HP1BP3: variants seen among roughly 807,000 people sequenced by gnomAD.
The protein encoded by HP1BP3 is heterochromatin protein 1 binding protein 3.
Under a neutral mutation model 62.5 loss-of-function variants are expected in HP1BP3, and 12 were observed. That is an observed-to-expected ratio of 0.19 (90% CI 0.12 to 0.31). The LOEUF is 0.31. HP1BP3 is among the 10% of genes least tolerant of loss of function. The pLI is 1.00. For missense variants in HP1BP3, 502 were observed against 651.8 expected (o/e 0.77, Z 2.50); for synonymous variants, 260 against 237.8 (o/e 1.09, Z -0.86).
At chr1:20,765,571 G>A (rs41265093) in intron 7 of HP1BP3, 40 bp from the exon 8 acceptor site, 16,127 of 1,526,682 alleles carry the variant, frequency 0.011, 110 homozygotes, top group Middle Eastern at 0.018. Context: ...ATTATAGAAC[G>A]TAAATGTTTC....
chr1:20,760,758 C>T (rs148471378), intron 8 of HP1BP3, among the ~76,000 whole-genome samples: 1,938 of 152,216 alleles, frequency 0.013, 46 homozygotes, highest in African/African-American at 0.043. Context: ...ATCGCTTGAA[C>T]CGAGGAGGCG....
In HP1BP3 at chr1:20,744,855, A is replaced by C. The variant is rs770246812; in HGVS notation, c.1604T>G (p.Val535Gly). 6.2e-7 allele frequency: 1 copy of C among 1,613,788 alleles called. No homozygotes were observed. The highest frequency in any genetic ancestry group is 8.5e-7 in the Non-Finnish European group (1 of 1,180,004). Residue 535 changes from valine to glycine, a missense_variant, in exon 13 of 13, where the codon GTA (valine) becomes GGA (glycine). By Grantham distance (109) the Val-to-Gly change is moderately radical. Transcript: ENST00000438032. The stretch of plus-strand genomic sequence containing the variant: ...GGATTTGCCCTTGCCCGGCAATTTT[A>C]CTTCCTTTCTTGCACTGGTTGCAGG... ...KKPATSARKE[V>G]KLPGKGKSTM...
chr1:20,766,452 C>CA (rs546934401), intron 7 of HP1BP3, among the ~76,000 whole-genome samples: 103 of 136,282 alleles, frequency 7.6e-4, no homozygotes, highest in African/African-American at 2.5e-3. Flanking sequence ...AGTTGTAAAA[C>CA]AAAAAAAAAA....
chr1:20,786,094 T>C (rs1236532466), intron 1 of HP1BP3: 1 of 146,350 alleles, frequency 6.8e-6, no homozygotes, highest in Non-Finnish European at 1.5e-5. Flanking sequence ...CCGGTCTCCG[T>C]ACGGGAGACA....
At chr1:20,785,465 T>C (rs2057778716) in intron 1 of HP1BP3, among the ~76,000 whole-genome samples, 1 of 152,238 alleles carries the variant, frequency 6.6e-6, no homozygotes, top group African/African-American at 2.4e-5. Flanking sequence ...GTTCCCAATC[T>C]TAAGTCATTC....
intron 9 of HP1BP3, among the ~76,000 whole-genome samples, chr1:20,756,904 C>G (rs530379460): frequency 6.6e-6 from 1 of 152,110 alleles, no homozygotes; most frequent in East Asian, 1.9e-4. Context: ...TTAGTGGAGA[C>G]GACAGGGTTT....
chr1:20,773,644 A>G (rs1420450896), intron 4 of HP1BP3, 34 bp from the exon 5 acceptor site: 1 of 1,444,414 alleles, frequency 6.9e-7, no homozygotes, highest in Non-Finnish European at 9.4e-7. Flanking sequence ...ATAGAAGATA[A>G]GCTCTCTAGA....
At chr1:20,750,930 G>A (rs915702256) in intron 9 of HP1BP3, among the ~76,000 whole-genome samples, 4 of 145,620 alleles carry the variant, frequency 2.7e-5, no homozygotes, top group African/African-American at 7.7e-5. Context: ...CAATTCTCCT[G>A]CCTCAACTTC....
chr1:20,747,262 G>T (rs1477315451), intron 11 of HP1BP3, among the ~76,000 whole-genome samples: 1 of 151,922 alleles, frequency 6.6e-6, no homozygotes, highest in Non-Finnish European at 1.5e-5. Context: ...CACTTTATAT[G>T]TGGACTTTTT....
chr1:20,775,909 T>C (rs930961783), intron 4 of HP1BP3: 1 of 1,464,282 alleles, frequency 6.8e-7, no homozygotes, highest in Non-Finnish European at 9.1e-7. Context: ...TCTCAGAATG[T>C]ATACCCATTG....
At chr1:20,780,790 G>C (rs1000376160) in intron 1 of HP1BP3, among the ~76,000 whole-genome samples, 1 of 152,176 alleles carries the variant, frequency 6.6e-6, no homozygotes, top group Non-Finnish European at 1.5e-5. Context: ...GGGCAAGGAA[G>C]CTCCTAAGGA....
In HP1BP3 at chr1:20,775,993, A is replaced by G. The variant is rs901980544; in HGVS notation, c.350+604T>C. The G allele has an allele frequency of 4.0e-6, 6 of 1,490,734 alleles. No individual in the cohort carries two copies. The Admixed American group carries it at 1.2e-4, about 29-fold the overall frequency. The allele number at this position is 1,490,734 out of a possible 1,614,324, so 92.3% of individuals were successfully genotyped here. A position where few individuals can be genotyped will look rare whatever the true frequency, so the allele number is the denominator to read the frequency against. On this transcript the variant is annotated intron_variant, in intron 4 of 12. Transcript: ENST00000438032. ...CAATTATGAAAAGAGTGGAATGAAT[A>G]CTATCAGCTCTCCTGCAAAAAAAAA...
At chr1:20,746,965 G>A (rs975555054) in intron 11 of HP1BP3, among the ~76,000 whole-genome samples, 2 of 152,148 alleles carry the variant, frequency 1.3e-5, no homozygotes, top group African/African-American at 2.4e-5. Flanking sequence ...GCAGTGAGCC[G>A]AGATTATACC....
chr1:20,768,431 G>A (rs1185027894), intron 6 of HP1BP3, among the ~76,000 whole-genome samples: 1 of 152,142 alleles, frequency 6.6e-6, no homozygotes, highest in African/African-American at 2.4e-5. Context: ...GGGTGACAGA[G>A]CGATACTCCG....
At chr1:20,753,648 G>T (rs1355290336) in intron 9 of HP1BP3, among the ~76,000 whole-genome samples, 1 of 152,156 alleles carries the variant, frequency 6.6e-6, no homozygotes, top group Non-Finnish European at 1.5e-5. Context: ...GAATTTTAAG[G>T]TAACACAGTC....
At chr1:20,745,487 T>C in intron 12 of HP1BP3, 56 bp downstream of exon 12, 1 of 1,578,532 alleles carries the variant, frequency 6.3e-7, no homozygotes. Context: ...TAGCACTATT[T>C]TTCAGCTCTG....
chr1:20,759,848 G>C (rs537805689), intron 8 of HP1BP3, among the ~76,000 whole-genome samples: 1 of 151,140 alleles, frequency 6.6e-6, no homozygotes, highest in Non-Finnish European at 1.5e-5. Context: ...ATACAAGTGA[G>C]TGTAGTGCCT....
intron 5 of HP1BP3, 84 bp from the exon 6 acceptor site, chr1:20,771,157 G>T: frequency 8.6e-7 from 1 of 1,168,512 alleles, no homozygotes; most frequent in Non-Finnish European, 1.2e-6. Context: ...TTTTGGAAGT[G>T]AATTTGATGA....
At chr1:20,761,194 G>A (rs1413712462) in intron 8 of HP1BP3, among the ~76,000 whole-genome samples, 1 of 152,174 alleles carries the variant, frequency 6.6e-6, no homozygotes, top group South Asian at 2.1e-4. Flanking sequence ...ACAGGCACGT[G>A]CCACCATGCA....
Sources: allele counts gnomAD v4.1 joint callset (sites outside exome capture counted in the v4.1 genomes callset), GRCh38; gene constraint gnomAD v4.1.1; transcripts MANE v1.5; gene names NCBI Gene and HGNC (gene_info 2026-07-23, HGNC 2026-07-21).